Variants in NOA1 observed in about 807,000 individuals in gnomAD.
NOA1 encodes nitric oxide-associated protein 1.
A neutral mutation model predicts 58.4 loss-of-function variants in NOA1; 35 were observed. The ratio of observed to expected loss-of-function variants is 0.60; its 90% CI spans 0.46 to 0.79. The LOEUF is 0.79. NOA1 is among the 30% of genes least tolerant of loss of function. The pLI is 0.00. For missense variants in NOA1, 895 were observed against 894.6 expected (o/e 1.00, Z -0.01); for synonymous variants, 397 against 373.4 (o/e 1.06, Z -0.73).
At chr4:56,974,925 A>G (rs1015081458) in intron 1 of NOA1, among the ~76,000 whole-genome samples, 16 of 151,384 alleles carry the variant, frequency 1.1e-4, no homozygotes, top group African/African-American at 3.9e-4. Context: ...CTGGTCTGGA[A>G]CTCCTGACCT....
At chr4:56,972,581 T>C (rs1721828712) in intron 3 of NOA1, among the ~76,000 whole-genome samples, 1 of 152,182 alleles carries the variant, frequency 6.6e-6, no homozygotes, top group Non-Finnish European at 1.5e-5. Context: ...TGAGTTACCT[T>C]GGAAGGTGAC....
At chr4:56,974,087 T>TTAATGAAACGACAACCACC in intron 1 of NOA1, 65 bp from the exon 2 acceptor site, 1 of 1,060,824 alleles carries the variant, frequency 9.4e-7, no homozygotes, top group Non-Finnish European at 1.3e-6. Flanking sequence ...TGAACATTTT[T>TTAATGAAACGACAACCACC]GAGGATCTAC....
Position 56,977,001 on chromosome 4 carries a change from C to G in NOA1, c.585G>C (p.Gln195His), listed in dbSNP as rs777709287. The change falls in exon 1 of 7, where the codon CAG (glutamine) becomes CAC (histidine). Residue 195 changes from glutamine (Q) to histidine (H), a missense_variant. Physicochemically the swap from Gln to His is conservative, Grantham distance 24. Around this residue, in one of 3 missense-constraint regions of NOA1, gnomAD observed 680 missense variants for 656.5 expected, o/e 1.04. Coordinates refer to ENST00000264230, the MANE Select transcript of NOA1 (RefSeq NM_032313.4). Reference protein sequence around the residue: ...LSHHRRALRLQVSREQYLELV... With the variant: ...LSHHRRALRLHVSREQYLELV... Reference sequence around the variant, plus strand: ...GCTCCAGGTACTGCTCGCGGCTCACCTGCAGGCGTAGAGCGCGCCGGTGGT... The same window carrying G: ...GCTCCAGGTACTGCTCGCGGCTCACGTGCAGGCGTAGAGCGCGCCGGTGGT... 2.4e-5 allele frequency: 39 copies of G among 1,594,110 alleles called. No homozygotes were observed. In the South Asian group the frequency reaches 4.2e-4, roughly 17 times the overall value.
Position 56,977,415 on chromosome 4 carries a change from C to T in NOA1, c.171G>A (p.Val57=), listed in dbSNP as rs1345352805. 5.0e-6 allele frequency: 8 copies of T among 1,614,190 alleles called. No individual in the cohort carries two copies. The South Asian group carries it at 6.6e-5, about 13-fold the overall frequency. The change falls in exon 1 of 7, where the codon GTG becomes GTA. Residue 57 remains valine (V), a synonymous_variant. Transcript: ENST00000264230. ...CACCTTCTCCAAAGCCCTCCGTGTC[C>T]ACGGGGTCATAAGGAAGCTCGCGTC... ...SLGRELPYDP[V]DTEGFGEGGD...
At chr4:56,972,665 G>A (rs1287880859) in intron 3 of NOA1, among the ~76,000 whole-genome samples, 2 of 152,156 alleles carry the variant, frequency 1.3e-5, no homozygotes, top group South Asian at 2.1e-4. Flanking sequence ...ATGTTACAGA[G>A]GTAATTCAAG....
At chr4:56,976,371 C>G in intron 1 of NOA1, 71 bp downstream of exon 1, 1 of 1,374,934 alleles carries the variant, frequency 7.3e-7, no homozygotes, top group Non-Finnish European at 1.0e-6. Context: ...GGAGGATGTA[C>G]TCGGTGCCTC....
chr4:56,968,909 C>T (rs548787968), intron 3 of NOA1, among the ~76,000 whole-genome samples: 108 of 152,278 alleles, frequency 7.1e-4, no homozygotes, highest in Middle Eastern at 3.4e-3. Flanking sequence ...TAATGGTATA[C>T]GTGACCTTAT....
In NOA1 at chr4:56,976,938, C is replaced by T. The variant is rs752206223; in HGVS notation, c.648G>A (p.Leu216=). The change falls in exon 1 of 7, where the codon CTG becomes CTA. Residue 216 remains leucine, a synonymous_variant. Coordinates refer to ENST00000264230, the MANE Select transcript of NOA1 (RefSeq NM_032313.4). ...CCAGCAGGTCCACCATGTAGAGCAC[C>T]AGGGAGGGGCCGGGCCGCCGCAACG... ...SAALRRPGPS[L]VLYMVDLLDL... The T allele has an allele frequency of 5.0e-6, 8 of 1,606,338 alleles. No individual in the cohort carries two copies. Among genetic ancestry groups the T allele is most frequent in the Non-Finnish European group, 6.8e-6 (8 of 1,178,222 alleles).
rs1289628661 is a variant in NOA1, at chr4:56,973,168, C to T, written c.1495G>A (p.Gly499Arg). The change falls in exon 3 of 7, where the codon GGA (glycine) becomes AGA (arginine). Residue 499 changes from glycine to arginine, a missense_variant. Around this residue, in one of 3 missense-constraint regions of NOA1, gnomAD observed 680 missense variants for 656.5 expected, o/e 1.04. Transcript: ENST00000264230. Reference sequence around the variant, plus strand: ...CATACACAATTTTCTTTTGTAATTCCAGGGGTGTCATAAAACCAGTGGGCA... The same window carrying T: ...CATACACAATTTTCTTTTGTAATTCTAGGGGTGTCATAAAACCAGTGGGCA... ...KDAHWFYDTP[G>R]ITKENCILNL... 1 of 1,613,992 alleles carries T rather than the reference C, an allele frequency of 6.2e-7. No individual in the cohort carries two copies. Among genetic ancestry groups the T allele is most frequent in the Non-Finnish European group, 8.5e-7 (1 of 1,179,956 alleles).
At position 56,976,926 on chromosome 4, in the gene NOA1, C is replaced by T. The variant is rs1382316473; in HGVS notation, c.660G>A (p.Met220Ile). The T allele has an allele frequency of 1.9e-6, 3 of 1,609,864 alleles. No individual in the cohort carries two copies. Among genetic ancestry groups the T allele is most frequent in the Admixed American group, 1.7e-5 (1 of 59,964 alleles). The change falls in exon 1 of 7, where the codon ATG (methionine) becomes ATA (isoleucine). Residue 220 changes from methionine (M) to isoleucine (I), a missense_variant. Physicochemically the swap from Met to Ile is conservative, Grantham distance 10. This residue lies in a region of NOA1 where 680 missense variants were observed against 656.5 expected (regional missense o/e 1.04). Coordinates refer to ENST00000264230, the MANE Select transcript of NOA1 (RefSeq NM_032313.4). Reference protein sequence around the residue: ...RRPGPSLVLYMVDLLDLPDAL... With the variant: ...RRPGPSLVLYIVDLLDLPDAL... ...CGTCGGGCAGGTCCAGCAGGTCCAC[C>T]ATGTAGAGCACCAGGGAGGGGCCGG...
rs1381513443 is a variant in NOA1, at chr4:56,976,879, G to GCGGGCAAGTCGGGCAGCAGGGCGT, written c.683_706dup (p.Asp228_Pro235dup). ...GATCAGCTGCTTGGGGCCCACCAGC[G>GCGGGCAAGTCGGGCAGCAGGGCGT]CGGGCAAGTCGGGCAGCAGGGCGTC... On this transcript the variant is annotated inframe_insertion, in exon 1 of 7. Transcript: ENST00000264230. 6.2e-7 allele frequency: 1 copy of GCGGGCAAGTCGGGCAGCAGGGCGT among 1,613,060 alleles called. No homozygotes were observed. Among genetic ancestry groups the GCGGGCAAGTCGGGCAGCAGGGCGT allele is most frequent in the South Asian group, 1.1e-5 (1 of 91,082 alleles).
At position 56,977,302 on chromosome 4, in the gene NOA1, T is replaced by C. The variant is rs765215334; in HGVS notation, c.284A>G (p.Gln95Arg). The C allele has an allele frequency of 6.2e-7, 1 of 1,614,114 alleles. No homozygotes were observed. Among genetic ancestry groups the C allele is most frequent in the Non-Finnish European group, 8.5e-7 (1 of 1,180,024 alleles). ...PTREKQLQELQQQQEEEERQR... is the reference protein window; with the variant it reads ...PTREKQLQELRQQQEEEERQR... ...TCGCTCCTCCTCCTCCTGCTGTTGC[T>C]GGAGCTCCTGCAGCTGCTTTTCGCG... The change falls in exon 1 of 7, where the codon CAG (glutamine) becomes CGG (arginine). Residue 95 changes from glutamine to arginine, a missense_variant. Transcript: ENST00000264230.
chr4:56,974,340 A>C (rs1209560484), intron 1 of NOA1, among the ~76,000 whole-genome samples: 1 of 152,248 alleles, frequency 6.6e-6, no homozygotes, highest in East Asian at 1.9e-4. Context: ...CAAATGGGGC[A>C]GTCAGTTTTG....
chr4:56,976,881 G>C lies in NOA1; in HGVS notation c.705C>G (p.Pro235=). 6.2e-7 allele frequency: 1 copy of C among 1,613,000 alleles called. No homozygotes were observed. The highest frequency in any genetic ancestry group is 8.5e-7 in the Non-Finnish European group (1 of 1,179,836). The change falls in exon 1 of 7, where the codon CCC becomes CCG. Residue 235 remains proline (P), a synonymous_variant. Transcript: ENST00000264230. ...TCAGCTGCTTGGGGCCCACCAGCGC[G>C]GGCAAGTCGGGCAGCAGGGCGTCGG... ...DLPDALLPDL[P]ALVGPKQLIV...
At chr4:56,973,468 C>G in intron 2 of NOA1, 115 bp from the exon 3 acceptor site, 1 of 876,580 alleles carries the variant, frequency 1.1e-6, no homozygotes, top group South Asian at 1.5e-5. Flanking sequence ...GGAAGTGAGA[C>G]CATAATGATA....
Position 56,973,311 on chromosome 4 carries a change from T to C in NOA1, c.1352A>G (p.Asp451Gly). ...RTFLYSEEQK[D>G]NIPFEFDADS... is the part of the protein sequence containing the mutation. ...AGCATCAAACTCAAAGGGAATGTTA[T>C]CCTTCTGTTCTTCTGAATACAAGAA... The change falls in exon 3 of 7, where the codon GAT (aspartate) becomes GGT (glycine). Residue 451 changes from aspartate (D) to glycine (G), a missense_variant. This residue lies in a region of NOA1 where 680 missense variants were observed against 656.5 expected (regional missense o/e 1.04). Transcript: ENST00000264230. 1 of 1,614,144 alleles carries C rather than the reference T, an allele frequency of 6.2e-7. No individual in the cohort carries two copies. The highest frequency in any genetic ancestry group is 1.1e-5 in the South Asian group (1 of 91,082).
chr4:56,977,388 A>G lies in NOA1; in HGVS notation c.198T>C (p.Gly66=). 6.2e-7 allele frequency: 1 copy of G among 1,614,118 alleles called. No homozygotes were observed. Among genetic ancestry groups the G allele is most frequent in the Non-Finnish European group, 8.5e-7 (1 of 1,180,020 alleles). The change falls in exon 1 of 7, where the codon GGT becomes GGC. Residue 66 remains glycine, a synonymous_variant. Transcript: ENST00000264230. ...GGAACAGAAAACGCTCCTGCATGTC[A>G]CCACCTTCTCCAAAGCCCTCCGTGT... ...PVDTEGFGEG[G]DMQERFLFPE...
chr4:56,977,521 G>A lies in NOA1; in HGVS notation c.65C>T (p.Ala22Val). 1 of 1,613,024 alleles carries A rather than the reference G, an allele frequency of 6.2e-7. No homozygotes were observed. Among genetic ancestry groups the A allele is most frequent in the Non-Finnish European group, 8.5e-7 (1 of 1,179,738 alleles). ...CGGCTCCCGGAGGCCATGGCGCGCT[G>A]CCGTGGGAGCGGATCCACGAAGGAA... Reference protein sequence around the residue: ...SLFLRGSAPTAARHGLREPLL... With the variant: ...SLFLRGSAPTVARHGLREPLL... The change falls in exon 1 of 7, where the codon GCA becomes GTA. Residue 22 changes from alanine to valine, a missense_variant. Coordinates refer to ENST00000264230, the MANE Select transcript of NOA1 (RefSeq NM_032313.4).
rs771665111 is a variant in NOA1, at chr4:56,963,669, G to A, written c.1886-8C>T. On this transcript the variant is annotated splice_polypyrimidine_tract_variant and splice_region_variant and intron_variant, in intron 6 of 6. Transcript: ENST00000264230. ...GTGTTACTGAAACCCAACCTATGCA[G>A]GCATGTGACACAACACAAAAGGCTG... The A allele has an allele frequency of 5.6e-6, 9 of 1,609,100 alleles. No individual in the cohort carries two copies. Among genetic ancestry groups the A allele is most frequent in the Non-Finnish European group, 6.8e-6 (8 of 1,175,790 alleles).
Sources: allele counts gnomAD v4.1 joint callset (sites outside exome capture counted in the v4.1 genomes callset), GRCh38; gene constraint gnomAD v4.1.1; regional missense constraint gnomAD v4.1.1; transcripts MANE v1.5; gene names NCBI Gene and HGNC (gene_info 2026-07-23, HGNC 2026-07-21).